The following STT3B variants were observed in gnomAD, a reference collection of about 807,000 sequenced individuals.
STT3B encodes the protein dolichyl-diphosphooligosaccharide--protein glycosyltransferase subunit STT3B.
A neutral mutation model predicts 96.8 loss-of-function variants in STT3B; 29 were observed. That is an observed-to-expected ratio of 0.30 (90% confidence interval 0.22 to 0.41). The LOEUF is 0.41. STT3B is among the 10% of genes least tolerant of loss of function. STT3B has a pLI of 1.00. For synonymous variants in STT3B, 367 were observed against 360.0 expected (o/e 1.02, Z -0.22); for missense variants, 640 against 1,022.3 (o/e 0.63, Z 5.10).
chr3:31,561,823 G>A (rs1001181611), intron 1 of STT3B, among the ~76,000 whole-genome samples: 1 of 152,114 alleles, frequency 6.6e-6, no homozygotes, highest in Non-Finnish European at 1.5e-5. Flanking sequence ...TATGGTGTTG[G>A]TTGGATATGG....
At chr3:31,613,350 T>C (rs1406008419) in intron 5 of STT3B, among the ~76,000 whole-genome samples, 3 of 152,146 alleles carry the variant, frequency 2.0e-5, no homozygotes, top group Non-Finnish European at 4.4e-5. Flanking sequence ...CAGAAGTGAT[T>C]GTCGTGTTTC....
chr3:31,610,183 A>G (rs1373168265), intron 5 of STT3B, among the ~76,000 whole-genome samples: 2 of 152,222 alleles, frequency 1.3e-5, no homozygotes, highest in African/African-American at 4.8e-5. Flanking sequence ...CACAGTAACC[A>G]GAAGTGATTA....
intron 1 of STT3B, among the ~76,000 whole-genome samples, chr3:31,562,098 C>T (rs932398625): frequency 2.0e-5 from 3 of 152,182 alleles, no homozygotes; most frequent in African/African-American, 7.2e-5. Context: ...TTCGTGCATC[C>T]AGGCTGATTT....
chr3:31,537,090 A>T (rs1291151729), intron 1 of STT3B, among the ~76,000 whole-genome samples: 1 of 152,214 alleles, frequency 6.6e-6, no homozygotes, highest in Non-Finnish European at 1.5e-5. Flanking sequence ...GTTAGCAAAA[A>T]TGCAGCAGAC....
intron 1 of STT3B, among the ~76,000 whole-genome samples, chr3:31,549,827 G>A (rs886564075): frequency 2.0e-5 from 3 of 152,076 alleles, no homozygotes; most frequent in Non-Finnish European, 2.9e-5. Flanking sequence ...TACACGTTGT[G>A]CGTGCGTTAT....
intron 5 of STT3B, among the ~76,000 whole-genome samples, chr3:31,606,019 T>C (rs1699044952): frequency 6.6e-6 from 1 of 152,204 alleles, no homozygotes; most frequent in African/African-American, 2.4e-5. Context: ...AACAAAGAGA[T>C]GGGTGGCATT....
chr3:31,618,474 T>C (rs1575444201), intron 8 of STT3B, among the ~76,000 whole-genome samples: 1 of 151,934 alleles, frequency 6.6e-6, no homozygotes, highest in East Asian at 1.9e-4. Flanking sequence ...TTTAAAGTGC[T>C]GTTATAAAAT....
chr3:31,627,960 C>T (rs1198424982), intron 13 of STT3B, among the ~76,000 whole-genome samples: 1 of 151,150 alleles, frequency 6.6e-6, no homozygotes, highest in East Asian at 1.9e-4. Context: ...ACCCCCTTCA[C>T]GTGATTCAAA....
At chr3:31,553,550 A>T (rs1697623474) in intron 1 of STT3B, among the ~76,000 whole-genome samples, 1 of 152,220 alleles carries the variant, frequency 6.6e-6, no homozygotes, top group African/African-American at 2.4e-5. Flanking sequence ...CTGAAATCCG[A>T]GAACAAACAT....
rs1575399333 is a variant in STT3B at position 31,533,249 on chromosome 3, G to A, written c.251G>A (p.Gly84Asp). ...ATCCTCTTCCTGGCCTGGCTTGCCG[G>A]CTTCAGCTCGCGCCTCTTCGCCGTC... is the stretch of plus-strand genomic sequence containing the variant. ...FTILFLAWLA[G>D]FSSRLFAVIR... Residue 84 changes from glycine to aspartate, a missense_variant, in exon 1 of 16, where the codon GGC becomes GAC. Coordinates refer to ENST00000295770, the MANE Select transcript of STT3B (RefSeq NM_178862.3). 6.6e-7 allele frequency: 1 copy of A among 1,511,946 alleles called. No individual in the cohort carries two copies. Among genetic ancestry groups the A allele is most frequent in the Admixed American group, 2.1e-5 (1 of 46,938 alleles). The allele number at this position is 1,511,946 out of a possible 1,614,324, so 93.7% of individuals were successfully genotyped here. A position where few individuals can be genotyped will look rare whatever the true frequency, so the allele number is the denominator to read the frequency against.
intron 6 of STT3B, among the ~76,000 whole-genome samples, chr3:31,615,577 T>C (rs913339913): frequency 3.3e-5 from 5 of 151,922 alleles, no homozygotes; most frequent in African/African-American, 9.7e-5. Context: ...TATAGCACTT[T>C]AAAATTTATG....
At chr3:31,611,621 C>G (rs866213147) in intron 5 of STT3B, among the ~76,000 whole-genome samples, 2 of 152,064 alleles carry the variant, frequency 1.3e-5, no homozygotes, top group Non-Finnish European at 2.9e-5. Flanking sequence ...CTCAGCCTCC[C>G]AAGTAGCTGG....
At position 31,622,185 on chromosome 3, in the gene STT3B, T is replaced by C. The variant is rs1195953153; in HGVS notation, c.1416T>C (p.Ser472=). 4 of 1,614,028 alleles carry C rather than the reference T, an allele frequency of 2.5e-6. No homozygotes were observed. The highest frequency in any genetic ancestry group is 3.4e-6 in the Non-Finnish European group (4 of 1,179,976). ...LTLTPVVCML[S]AIAFSNVFEH... ...TGACTCCAGTCGTGTGTATGCTGTCTGCAATTGCCTTTTCAAATGTTTTTG... is the reference window on the plus strand; with the variant it reads ...TGACTCCAGTCGTGTGTATGCTGTCCGCAATTGCCTTTTCAAATGTTTTTG... Residue 472 remains serine (S), a synonymous_variant, in exon 10 of 16, where the codon TCT becomes TCC. Coordinates refer to ENST00000295770, the MANE Select transcript of STT3B (RefSeq NM_178862.3).
intron 1 of STT3B, among the ~76,000 whole-genome samples, chr3:31,534,468 G>A (rs970898910): frequency 6.6e-6 from 1 of 152,102 alleles, no homozygotes. Context: ...TTATTGACCT[G>A]TCAACCTTGA....
At chr3:31,557,514 G>A (rs1422981684) in intron 1 of STT3B, among the ~76,000 whole-genome samples, 1 of 152,156 alleles carries the variant, frequency 6.6e-6, no homozygotes, top group Non-Finnish European at 1.5e-5. Flanking sequence ...GGCATGGGAT[G>A]TCTTTCCATT....
At chr3:31,630,406 A>C (rs1699630170) in intron 14 of STT3B, among the ~76,000 whole-genome samples, 1 of 152,172 alleles carries the variant, frequency 6.6e-6, no homozygotes, top group African/African-American at 2.4e-5. Context: ...TGAAGGCCTA[A>C]GACCACTATC....
chr3:31,626,228 C>A, intron 13 of STT3B, 101 bp downstream of exon 13: 1 of 1,084,788 alleles, frequency 9.2e-7, no homozygotes, highest in Non-Finnish European at 1.3e-6. Context: ...ATCATCCTAT[C>A]CCTCAGATTA....
chr3:31,623,592 T>G lies in STT3B; in HGVS notation c.1540-82T>G. 4 of 1,024,628 alleles carry G rather than the reference T, an allele frequency of 3.9e-6. No homozygotes were observed. The South Asian group carries it at 6.9e-5, about 18-fold the overall frequency. The allele number at this position is 1,024,628 out of a possible 1,614,324, so 63.5% of individuals were successfully genotyped here. The stretch of plus-strand genomic sequence containing the variant: ...TAGAATTAAATTGATAGATAAACAG[T>G]CTCTCAACTTTTTCCATTGAGTATC... On this transcript the variant is annotated intron_variant, in intron 10 of 15. Transcript: ENST00000295770.
At chr3:31,566,583 T>C (rs373383076) in intron 1 of STT3B, among the ~76,000 whole-genome samples, 60 of 152,342 alleles carry the variant, frequency 3.9e-4, no homozygotes, top group African/African-American at 1.4e-3. Flanking sequence ...TCAAGGCCTT[T>C]GCACTTGATA....
Sources: gnomAD v4.1 joint callset for allele counts (sites outside exome capture counted in the v4.1 genomes callset) on GRCh38, gnomAD v4.1.1 for gene constraint, MANE v1.5 for transcripts, NCBI Gene and HGNC (gene_info 2026-07-23, HGNC 2026-07-21) for gene names.